Variants in ARHGAP30 observed in about 807,000 individuals in gnomAD.
ARHGAP30 encodes the protein rho GTPase-activating protein 30.
A neutral mutation model predicts 72.0 loss-of-function variants in ARHGAP30; 23 were observed. That is an observed-to-expected ratio of 0.32 (90% confidence interval 0.23 to 0.45). The LOEUF is 0.45. Among genes scored for constraint, ARHGAP30 ranks in the 20% least tolerant of loss-of-function variants. ARHGAP30 has a pLI of 1.00. For synonymous variants in ARHGAP30, 576 were observed against 528.2 expected (o/e 1.09, Z -1.24); for missense variants, 1,319 against 1,383.4 (o/e 0.95, Z 0.74).
At chr1:161,057,556 T>A (rs1240915123) in intron 2 of ARHGAP30, among the ~76,000 whole-genome samples, 1 of 152,118 alleles carries the variant, frequency 6.6e-6, no homozygotes, top group East Asian at 1.9e-4. Flanking sequence ...GAGGATCGCT[T>A]GAGCCTAGGA....
chr1:161,065,123 C>T (rs1040265183), intron 1 of ARHGAP30, among the ~76,000 whole-genome samples: 2 of 152,260 alleles, frequency 1.3e-5, no homozygotes, highest in South Asian at 2.1e-4. Flanking sequence ...TACAGGTGCA[C>T]GCCACCATGC....
In ARHGAP30 at chr1:161,069,691, C is replaced by T. The variant is rs1653033843; in HGVS notation, c.-67G>A. ...CAAGACCTGTGCCCTACCAGTCCCCCATGGGATCCCAGCCAGCTGCTGGGC... is the reference window on the plus strand; with the variant it reads ...CAAGACCTGTGCCCTACCAGTCCCCTATGGGATCCCAGCCAGCTGCTGGGC... On this transcript the variant is annotated 5_prime_UTR_variant, in exon 1 of 12. The change abolishes an upstream ATG in the 5' untranslated region. Transcript: ENST00000368013. This position sits in a 1 kb window ranked among gnomAD's most constrained non-coding sequence, Gnocchi z 4.9. 2 of 1,531,510 alleles carry T rather than the reference C, an allele frequency of 1.3e-6. No individual in the cohort carries two copies. Among genetic ancestry groups the T allele is most frequent in the Non-Finnish European group, 1.8e-6 (2 of 1,119,530 alleles). The allele number at this position is 1,531,510 out of a possible 1,614,324, so 94.9% of individuals were successfully genotyped here.
intron 3 of ARHGAP30, 21 bp from the exon 4 acceptor site, chr1:161,054,726 A>G: frequency 2.5e-6 from 4 of 1,610,972 alleles, no homozygotes; most frequent in Non-Finnish European, 3.4e-6. Flanking sequence ...AGAGTGCAAG[A>G]AGCAGGAATC....
chr1:161,055,856 T>TAAATAAAATAAAATAAAATAAATAAAATA (rs1651803150), intron 3 of ARHGAP30, among the ~76,000 whole-genome samples: 1 of 19,894 alleles, frequency 5.0e-5, no homozygotes, highest in African/African-American at 1.9e-4. Flanking sequence ...TAAAATAAAA[T>TAAATAAAATAAAATAAAATAAATAAAATA]AAATAAAATA....
intron 1 of ARHGAP30, among the ~76,000 whole-genome samples, chr1:161,063,453 C>G (rs1161825000): frequency 6.6e-6 from 1 of 152,202 alleles, no homozygotes; most frequent in Non-Finnish European, 1.5e-5. Flanking sequence ...CCAATCAATA[C>G]CCTTGTGATT....
intron 1 of ARHGAP30, among the ~76,000 whole-genome samples, chr1:161,060,596 C>A (rs1169522372): frequency 7.5e-4 from 69 of 92,028 alleles, no homozygotes; most frequent in Admixed American, 1.2e-3. Flanking sequence ...AACTCCATCT[C>A]AAAAAAAAAA....
chr1:161,049,120 T>A lies in ARHGAP30; in HGVS notation c.1901A>T (p.Glu634Val). The change falls in exon 12 of 12, where the codon GAG becomes GTG. Residue 634 changes from glutamate to valine, a missense_variant. This residue lies in a region of ARHGAP30 where 1,097 missense variants were observed against 1,045.2 expected (regional missense o/e 1.05). Coordinates refer to ENST00000368013, the MANE Select transcript of ARHGAP30 (RefSeq NM_001025598.2). ...CCTTCCACATCCTGCTGCCTCTCCC[T>A]CCAGACTCCCTGAACCCTTCCAGAT... ...PPIWKGSGSL[E>V]GEAAGCGRQA... 1 of 1,614,084 alleles carries A rather than the reference T, an allele frequency of 6.2e-7. No individual in the cohort carries two copies.
At chr1:161,054,599 G>A in intron 4 of ARHGAP30, 24 bp downstream of exon 4, 1 of 1,612,020 alleles carries the variant, frequency 6.2e-7, no homozygotes, top group South Asian at 1.1e-5. Flanking sequence ...TCAGGTTGCT[G>A]GGCAGATATG....
intron 3 of ARHGAP30, among the ~76,000 whole-genome samples, chr1:161,056,140 A>G (rs1016393294): frequency 3.9e-5 from 6 of 152,188 alleles, no homozygotes; most frequent in African/African-American, 1.2e-4. Context: ...GCTGTGTGCA[A>G]TCTTCAGGCC....
At chr1:161,055,232 C>A (rs1304024360) in intron 3 of ARHGAP30, among the ~76,000 whole-genome samples, 1 of 152,210 alleles carries the variant, frequency 6.6e-6, no homozygotes, top group East Asian at 1.9e-4. Context: ...GTGACTCACA[C>A]CTGTAACACC....
intron 1 of ARHGAP30, among the ~76,000 whole-genome samples, chr1:161,068,943 A>G (rs138503703): frequency 1.8e-3 from 267 of 152,094 alleles, no homozygotes; most frequent in African/African-American, 6.2e-3. Context: ...TTGCACAGGG[A>G]CAACAAGAGA....
At chr1:161,060,126 C>T in intron 1 of ARHGAP30, 1 of 386,364 alleles carries the variant, frequency 2.6e-6, no homozygotes, top group Non-Finnish European at 5.2e-6. Context: ...ACAAAAAATA[C>T]AAACACAAAT....
At chr1:161,064,457 A>G (rs1652541131) in intron 1 of ARHGAP30, among the ~76,000 whole-genome samples, 1 of 152,164 alleles carries the variant, frequency 6.6e-6, no homozygotes, top group Admixed American at 6.6e-5. Flanking sequence ...CGTCTCACAT[A>G]TCAGTGTCAG....
rs369461255 is a variant in ARHGAP30, at chr1:161,052,453, C to A, written c.927G>T (p.Gly309=). ...CCCCAGACTTACCCCTGTCCTCAGC[C>A]CCCCGTGGAAGTTTACGCTTAGTCT... ...GHETKRKLPR[G]AEDREDKSNK... Residue 309 remains glycine, a synonymous_variant, in exon 8 of 12, where the codon GGG becomes GGT. Coordinates refer to ENST00000368013, the MANE Select transcript of ARHGAP30 (RefSeq NM_001025598.2). 2 of 1,613,938 alleles carry A rather than the reference C, an allele frequency of 1.2e-6. No homozygotes were observed. The highest frequency in any genetic ancestry group is 1.7e-6 in the Non-Finnish European group (2 of 1,180,008).
intron 1 of ARHGAP30, among the ~76,000 whole-genome samples, chr1:161,063,624 T>G (rs532082919): frequency 2.6e-5 from 4 of 152,356 alleles, no homozygotes; most frequent in African/African-American, 7.2e-5. Flanking sequence ...CAGGATAACA[T>G]CAATTGTTCA....
At chr1:161,059,764 G>A (rs1652179211) in intron 1 of ARHGAP30, 48 bp from the exon 2 acceptor site, 5 of 1,510,632 alleles carry the variant, frequency 3.3e-6, no homozygotes, top group Non-Finnish European at 4.5e-6. Flanking sequence ...GGATCTGGGT[G>A]GTCAAAGACT....
chr1:161,048,790 T>G lies in ARHGAP30; in HGVS notation c.2231A>C (p.Asp744Ala). 6.2e-6 allele frequency: 10 copies of G among 1,614,152 alleles called. No individual in the cohort carries two copies. Among genetic ancestry groups the G allele is most frequent in the Non-Finnish European group, 8.5e-6 (10 of 1,180,032 alleles). ...TCTCTCAATTTCTTTTTCCTTCTCA[T>G]CTGTATACTCATCTCCTCCTGGTTC... ...VEEPGGDEYT[D>A]EKEKEIEREE... The change falls in exon 12 of 12, where the codon GAT (aspartate) becomes GCT (alanine). Residue 744 changes from aspartate to alanine, a missense_variant. Transcript: ENST00000368013.
In ARHGAP30 at chr1:161,048,124, G is replaced by A. The variant is rs1302589015; in HGVS notation, c.2897C>T (p.Pro966Leu). ...AGTCCCATCAAGCCGGCCAGGCCTC[G>A]GGCATGGATTTGCAGGTGCCACATG... ...KIHVAPANPC[P>L]RPGRLDGTPG... The change falls in exon 12 of 12, where the codon CCG (proline) becomes CTG (leucine). Residue 966 changes from proline to leucine, a missense_variant. Physicochemically the swap from Pro to Leu is moderately conservative, Grantham distance 98 (BLOSUM62 -3). This residue lies in a region of ARHGAP30 where 1,097 missense variants were observed against 1,045.2 expected (regional missense o/e 1.05). Transcript: ENST00000368013. 17 of 1,614,056 alleles carry A rather than the reference G, an allele frequency of 1.1e-5. No homozygotes were observed. The highest frequency in any genetic ancestry group is 2.2e-5 in the East Asian group (1 of 44,894).
At chr1:161,056,260 A>G (rs1051640216) in intron 3 of ARHGAP30, 128 bp downstream of exon 3, 23 of 1,315,568 alleles carry the variant, frequency 1.7e-5, no homozygotes, top group Admixed American at 2.6e-5. Context: ...TTTCCCCGGT[A>G]AGTTTTTCTG....
Sources: gnomAD v4.1 joint callset for allele counts (sites outside exome capture counted in the v4.1 genomes callset) on GRCh38, gnomAD v4.1.1 for gene constraint, gnomAD v4.1.1 regional missense constraint, Gnocchi (gnomAD v3.1) non-coding constraint, MANE v1.5 for transcripts, NCBI Gene and HGNC (gene_info 2026-07-23, HGNC 2026-07-21) for gene names.